The following ADAMTS16 variants were observed in gnomAD, a reference collection of about 807,000 sequenced individuals.
ADAMTS16 encodes the protein ADAM metallopeptidase with thrombospondin type 1 motif 16.
ADAMTS16 carries 94 observed loss-of-function variants against 145.8 expected under a neutral mutation model. The observed-to-expected ratio is 0.64, with a 90% CI of 0.55 to 0.77. The LOEUF (loss-of-function observed/expected upper bound fraction) is 0.77. ADAMTS16 is among the 30% of genes least tolerant of loss of function. The pLI is 0.00. For missense variants in ADAMTS16, 1,585 were observed against 1,591.5 expected, an observed-to-expected ratio of 1.00 and a Z score of 0.07; for synonymous variants, 659 against 604.3, an observed-to-expected ratio of 1.09 and a Z score of -1.33.
At chr5:5,314,518 C>A (rs1245888124) in intron 21 of ADAMTS16, among the ~76,000 whole-genome samples, 1 of 152,178 alleles carries the variant, frequency 6.6e-6, no homozygotes, top group Non-Finnish European at 1.5e-5. Context: ...GGATTTTTTT[C>A]TTCCTGGAAT....
intron 10 of ADAMTS16, among the ~76,000 whole-genome samples, chr5:5,221,605 C>A (rs1269638317): frequency 1.3e-5 from 2 of 152,218 alleles, no homozygotes; most frequent in Admixed American, 1.3e-4. Flanking sequence ...TACTTGTTAA[C>A]ATTTCAAGCT....
chr5:5,200,691 T>C lies in ADAMTS16; in HGVS notation c.1451+422T>C, dbSNP rs79926671. On this transcript the variant is annotated intron_variant, in intron 9 of 22. Transcript: ENST00000274181. ...CTCTTTATTTTTTCTTTCTTTTCCTTCCTTCCTTTTCTTTCTTTCTTTTTC... is the reference window on the plus strand; with the variant it reads ...CTCTTTATTTTTTCTTTCTTTTCCTCCCTTCCTTTTCTTTCTTTCTTTTTC... Among the ~76,000 whole-genome samples, 197 of 152,302 alleles carry C rather than the reference T, an allele frequency of 1.3e-3. 4 individuals carry two copies. The East Asian group carries it at 0.024, about 19-fold the overall frequency.
chr5:5,272,876 G>A (rs1738537654), intron 18 of ADAMTS16, among the ~76,000 whole-genome samples: 1 of 152,148 alleles, frequency 6.6e-6, no homozygotes, highest in South Asian at 2.1e-4. Flanking sequence ...TCAGATCATG[G>A]GTGTGAGCCT....
chr5:5,214,096 C>A (rs749060650), intron 10 of ADAMTS16, among the ~76,000 whole-genome samples: 1 of 152,150 alleles, frequency 6.6e-6, no homozygotes, highest in African/African-American at 2.4e-5. Flanking sequence ...TGGGCAAATG[C>A]GGCGTTCATT....
rs1321064233 is a variant in ADAMTS16, at chr5:5,303,572, T to C, written c.2992T>C (p.Cys998Arg). The stretch of plus-strand genomic sequence containing the variant: ...TGCTTATCCTGACTGTTCTGTGCAG[T>C]GCTCACACACCTGTGGGAAGGGGTG... ...PAWSAGPWAE[C>R]SHTCGKGWRK... The change falls in exon 20 of 23, where the codon TGC becomes CGC. Residue 998 changes from cysteine (C) to arginine (R), a missense_variant and splice_region_variant. Around this residue, in one of 3 missense-constraint regions of ADAMTS16, gnomAD observed 834 missense variants for 811.7 expected, o/e 1.03. Transcript: ENST00000274181. 6.2e-7 allele frequency: 1 copy of C among 1,614,046 alleles called. No homozygotes were observed. Among genetic ancestry groups the C allele is most frequent in the Non-Finnish European group, 8.5e-7 (1 of 1,179,978 alleles).
Position 5,232,370 on chromosome 5 carries a change from G to A in ADAMTS16, c.1704G>A (p.Trp568Ter). ...CTTATTTATGTTGAAAATTTTAGTGGTGCCGGGGAGGACAGTGTGTGAAAT... is the reference window on the plus strand; with the variant it reads ...CTTATTTATGTTGAAAATTTTAGTGATGCCGGGGAGGACAGTGTGTGAAAT... The part of the protein sequence containing the change: ...AEGTICGHDM[W>*]CRGGQCVKYG... The change falls in exon 12 of 23, where the codon TGG (tryptophan) becomes TGA (stop). Residue 568 changes from tryptophan (W) to a stop codon, truncating the protein, a stop_gained and splice_region_variant. Transcript: ENST00000274181. LOFTEE classifies it high-confidence loss of function. 2 of 1,613,928 alleles carry A rather than the reference G, an allele frequency of 1.2e-6. No individual in the cohort carries two copies. Among genetic ancestry groups the A allele is most frequent in the Non-Finnish European group, 1.7e-6 (2 of 1,179,978 alleles).
Position 5,140,707 on chromosome 5 carries a change from G to T in ADAMTS16, c.116G>T (p.Ser39Ile). 1.9e-6 allele frequency: 3 copies of T among 1,568,576 alleles called. No homozygotes were observed. The highest frequency in any genetic ancestry group is 1.7e-6 in the Non-Finnish European group (2 of 1,159,330). The part of the protein sequence containing the change: ...AMGPAAAAPG[S>I]PSVPRPPPPA... ...GGACCCGCAGCGGCAGCGCCTGGGA[G>T]CCCGAGCGTCCCGCGTCCTCCTCCA... Residue 39 changes from serine to isoleucine, a missense_variant, in exon 2 of 23, where the codon AGC (serine) becomes ATC (isoleucine). Around this residue, in one of 3 missense-constraint regions of ADAMTS16, gnomAD observed 453 missense variants for 412.1 expected, o/e 1.10. Transcript: ENST00000274181.
rs1734134804 is a variant in ADAMTS16, at chr5:5,318,197, C to A, written c.3475C>A (p.Pro1159Thr). The A allele has an allele frequency of 6.4e-7, 1 of 1,564,730 alleles. No individual in the cohort carries two copies. ...RSVQCLAGGRPASGCLLHQKP... is the reference protein window; with the variant it reads ...RSVQCLAGGRTASGCLLHQKP... ...CGTGCAGTGCCTGGCTGGGGGCCGGCCGGCCTCAGGCTGCCTCCTGCACCA... is the reference window on the plus strand; with the variant it reads ...CGTGCAGTGCCTGGCTGGGGGCCGGACGGCCTCAGGCTGCCTCCTGCACCA... The change falls in exon 22 of 23, where the codon CCG (proline) becomes ACG (threonine). Residue 1159 changes from proline (P) to threonine (T), a missense_variant. Transcript: ENST00000274181.
chr5:5,158,843 G>A (rs1734668830), intron 3 of ADAMTS16, among the ~76,000 whole-genome samples: 1 of 152,158 alleles, frequency 6.6e-6, no homozygotes, highest in Non-Finnish European at 1.5e-5. Flanking sequence ...TAATTTCTGT[G>A]CTTCAGTCTC....
At chr5:5,158,910 T>C (rs1734672984) in intron 3 of ADAMTS16, among the ~76,000 whole-genome samples, 1 of 152,238 alleles carries the variant, frequency 6.6e-6, no homozygotes, top group African/African-American at 2.4e-5. Flanking sequence ...GCCTATCGTG[T>C]ATTAAGATTC....
Position 5,313,666 on chromosome 5 carries a change from C to A in ADAMTS16, c.3412-4468C>A, listed in dbSNP as rs371023246. 7.2e-5 allele frequency among the ~76,000 whole-genome samples: 11 copies of A among 152,362 alleles called. No individual in the cohort carries two copies. In the East Asian group the frequency reaches 2.1e-3, roughly 29 times the overall value. ...ACACACTGATTTGGAAACTCATGGG[C>A]ACTGAGGGGCAGCAGCCGTGTCAGA... On this transcript the variant is annotated intron_variant, in intron 21 of 22. Transcript: ENST00000274181.
intron 18 of ADAMTS16, among the ~76,000 whole-genome samples, chr5:5,272,230 A>G (rs1200770090): frequency 2.6e-5 from 4 of 152,066 alleles, no homozygotes; most frequent in African/African-American, 4.8e-5. Flanking sequence ...TTATCTAAGT[A>G]GCTGAGCGTT....
chr5:5,222,644 T>C, intron 10 of ADAMTS16, 145 bp from the exon 11 acceptor site: 1 of 635,698 alleles, frequency 1.6e-6, no homozygotes, highest in South Asian at 2.0e-5. Flanking sequence ...CACCTTACTC[T>C]ATTATATGCT....
At position 5,319,930 on chromosome 5, in the gene ADAMTS16, T is replaced by G. The variant is rs1189547559; in HGVS notation, c.*792T>G. 2.2e-6 allele frequency: 1 copy of G among 455,290 alleles called. No individual in the cohort carries two copies. The highest frequency in any genetic ancestry group is 2.3e-5 in the Admixed American group (1 of 42,572). The allele number at this position is 455,290 out of a possible 1,614,324, so 28.2% of individuals were successfully genotyped here. A position where few individuals can be genotyped will look rare whatever the true frequency, so the allele number is the denominator to read the frequency against. ...TTTAAAAACACACTTCTTCATGCTTTTCTTTGTAAATGACAGATCGAAGTA... is the reference window on the plus strand; with the variant it reads ...TTTAAAAACACACTTCTTCATGCTTGTCTTTGTAAATGACAGATCGAAGTA... On this transcript the variant is annotated 3_prime_UTR_variant, in exon 23 of 23. Transcript: ENST00000274181.
intron 3 of ADAMTS16, among the ~76,000 whole-genome samples, chr5:5,165,232 C>T (rs1489098552): frequency 2.0e-5 from 3 of 152,136 alleles, no homozygotes; most frequent in Non-Finnish European, 4.4e-5. Flanking sequence ...CTTCTTTTGC[C>T]AAGTATAATG....
intron 3 of ADAMTS16, among the ~76,000 whole-genome samples, chr5:5,161,076 T>C (rs16874894): frequency 0.26 from 38,856 of 152,138 alleles, 4,958 homozygotes; most frequent in Middle Eastern, 0.3. Flanking sequence ...GTTTATTACC[T>C]ATATTTTTGT....
intron 3 of ADAMTS16, among the ~76,000 whole-genome samples, chr5:5,160,067 C>A (rs1287903848): frequency 6.6e-6 from 1 of 152,170 alleles, no homozygotes; most frequent in Non-Finnish European, 1.5e-5. Flanking sequence ...AAGCTAGGAT[C>A]TTTTATAGCA....
chr5:5,231,935 G>A (rs1171278263), intron 11 of ADAMTS16, among the ~76,000 whole-genome samples: 3 of 152,106 alleles, frequency 2.0e-5, no homozygotes, highest in Non-Finnish European at 2.9e-5. Flanking sequence ...ACAAGGTGTT[G>A]AGCCATGTGG....
intron 18 of ADAMTS16, among the ~76,000 whole-genome samples, chr5:5,268,123 C>T (rs1221459826): frequency 6.6e-6 from 1 of 152,190 alleles, no homozygotes; most frequent in Admixed American, 6.5e-5. Context: ...ATTATAAGCT[C>T]TGTGACCCCA....
Sources: allele counts gnomAD v4.1 joint callset (sites outside exome capture counted in the v4.1 genomes callset), GRCh38; gene constraint gnomAD v4.1.1; regional missense constraint gnomAD v4.1.1; transcripts MANE v1.5; gene names NCBI Gene and HGNC (gene_info 2026-07-23, HGNC 2026-07-21).